SLC4A4: variants seen among roughly 807,000 people sequenced by gnomAD.
The protein encoded by SLC4A4 is electrogenic sodium bicarbonate cotransporter 1.
A neutral mutation model predicts 111.5 loss-of-function variants in SLC4A4; 27 were observed. That is an observed-to-expected ratio of 0.24 (90% CI 0.18 to 0.33). The LOEUF is 0.33. Ranked by LOEUF, SLC4A4 falls within the 10% of genes least tolerant of loss-of-function variation. The pLI, the probability that SLC4A4 is intolerant of heterozygous loss-of-function variation, is 1.00. For synonymous variants in SLC4A4, 443 were observed against 463.4 expected (o/e 0.96, Z 0.57); for missense variants, 909 against 1,315.5 (o/e 0.69, Z 4.78).
intron 2 of SLC4A4, among the ~76,000 whole-genome samples, chr4:71,181,604 A>T (rs1230018024): frequency 6.6e-6 from 1 of 152,174 alleles, no homozygotes; most frequent in Non-Finnish European, 1.5e-5. Context: ...TATCCTGGGT[A>T]AGTAAGCTTC....
intron 18 of SLC4A4, among the ~76,000 whole-genome samples, chr4:71,536,497 T>C (rs1399895685): frequency 9.3e-5 from 12 of 128,928 alleles, no homozygotes; most frequent in Non-Finnish European, 1.8e-4. Flanking sequence ...TGTATATATT[T>C]ATTTATTTAT....
At chr4:71,093,976 AACC>A (rs1430175333) in intron 2 of SLC4A4, among the ~76,000 whole-genome samples, 1 of 152,184 alleles carries the variant, frequency 6.6e-6, no homozygotes, top group African/African-American at 2.4e-5. Flanking sequence ...GAGATTATTT[AACC>A]AGCAGTTGGT....
intron 3 of SLC4A4, among the ~76,000 whole-genome samples, chr4:71,258,890 G>C: frequency 6.6e-6 from 1 of 152,254 alleles, no homozygotes; most frequent in East Asian, 1.9e-4. Flanking sequence ...AAACTGAACC[G>C]CAAGGCACAT....
chr4:71,253,045 C>T (rs1404683648), intron 2 of SLC4A4, among the ~76,000 whole-genome samples: 1 of 152,140 alleles, frequency 6.6e-6, no homozygotes. Flanking sequence ...TGGAAGTGCA[C>T]AGGGAAAACC....
chr4:71,266,086 G>T (rs1175417752), intron 3 of SLC4A4, among the ~76,000 whole-genome samples: 1 of 152,156 alleles, frequency 6.6e-6, no homozygotes, highest in Non-Finnish European at 1.5e-5. Flanking sequence ...CTTTAACAAA[G>T]ATGCTACCCT....
At position 71,451,250 on chromosome 4, in the gene SLC4A4, G is replaced by C; in HGVS notation, c.1271G>C (p.Gly424Ala). 1 of 1,613,650 alleles carries C rather than the reference G, an allele frequency of 6.2e-7. No homozygotes were observed. Residue 424 changes from glycine to alanine, a missense_variant, in exon 11 of 26, where the codon GGT becomes GCT. Gly to Ala is a moderately conservative substitution (Grantham distance 60). Around this residue, in one of 7 missense-constraint regions of SLC4A4, gnomAD observed 312 missense variants for 402.0 expected, o/e 0.78. Coordinates refer to ENST00000264485, the MANE Select transcript of SLC4A4 (RefSeq NM_001098484.3). ...QMNGDTPHDGGHGGGGHGDCE... is the reference protein window; with the variant it reads ...QMNGDTPHDGAHGGGGHGDCE... ...AATGGGGATACGCCCCATGATGGAG[G>C]TCACGGAGGAGGAGGACATGGGGAT... is the stretch of plus-strand genomic sequence containing the variant.
chr4:71,083,710 C>G (rs1742060870), intron 1 of SLC4A4, among the ~76,000 whole-genome samples: 1 of 151,862 alleles, frequency 6.6e-6, no homozygotes, highest in African/African-American at 2.4e-5. Flanking sequence ...TGGGGTAAGA[C>G]AATCCATGCT....
chr4:71,423,112 C>T (rs1203763881), intron 7 of SLC4A4, among the ~76,000 whole-genome samples: 2 of 152,172 alleles, frequency 1.3e-5, no homozygotes, highest in Middle Eastern at 3.2e-3. Context: ...CCAAAATCTC[C>T]TTAAGCTGAT....
chr4:71,110,510 C>T (rs2148951423), intron 2 of SLC4A4, among the ~76,000 whole-genome samples: 1 of 152,288 alleles, frequency 6.6e-6, no homozygotes, highest in African/African-American at 2.4e-5. Context: ...CTGGGCAAAT[C>T]TCATGGTAAC....
chr4:71,118,727 G>A (rs1743338797), intron 2 of SLC4A4, among the ~76,000 whole-genome samples: 1 of 152,038 alleles, frequency 6.6e-6, no homozygotes, highest in Non-Finnish European at 1.5e-5. Context: ...AATAAATTCT[G>A]ATTTCTTCTT....
At chr4:71,487,835 G>C (rs956316731) in intron 15 of SLC4A4, among the ~76,000 whole-genome samples, 5 of 151,518 alleles carry the variant, frequency 3.3e-5, no homozygotes, top group Non-Finnish European at 5.9e-5. Context: ...CAACTCTCAC[G>C]TGACCCTCTT....
chr4:71,483,239 G>A lies in SLC4A4; in HGVS notation c.1904-3709G>A, dbSNP rs181600927. Among the ~76,000 whole-genome samples, 55 of 151,648 alleles carry A rather than the reference G, an allele frequency of 3.6e-4. 1 individual carries two copies. The Admixed American group carries it at 3.6e-3, about 10-fold the overall frequency. ...TGTTACATAGCTATATGTGTGCCATGGGGGGTTGTTTTAAAGATTATTTCA... is the reference window on the plus strand; with the variant it reads ...TGTTACATAGCTATATGTGTGCCATAGGGGGTTGTTTTAAAGATTATTTCA... On this transcript the variant is annotated intron_variant, in intron 14 of 25. Coordinates refer to ENST00000264485, the MANE Select transcript of SLC4A4 (RefSeq NM_001098484.3).
At chr4:71,391,142 A>G (rs1398815289) in intron 6 of SLC4A4, among the ~76,000 whole-genome samples, 1 of 152,136 alleles carries the variant, frequency 6.6e-6, no homozygotes, top group Admixed American at 6.5e-5. Context: ...GTCCCAAGCA[A>G]TGAAAATCAG....
At chr4:71,484,803 T>G (rs930272609) in intron 14 of SLC4A4, among the ~76,000 whole-genome samples, 1 of 151,800 alleles carries the variant, frequency 6.6e-6, no homozygotes, top group Non-Finnish European at 1.5e-5. Context: ...AGAATGTTTT[T>G]CTATTGTTTG....
intron 14 of SLC4A4, among the ~76,000 whole-genome samples, chr4:71,473,714 T>A (rs1040023382): frequency 9.2e-5 from 14 of 151,714 alleles, no homozygotes; most frequent in African/African-American, 3.4e-4. Context: ...AAAATAAAAA[T>A]AAAAAAATGT....
intron 7 of SLC4A4, among the ~76,000 whole-genome samples, chr4:71,420,710 C>A (rs1272153537): frequency 4.7e-5 from 7 of 149,504 alleles, no homozygotes; most frequent in African/African-American, 1.2e-4. Flanking sequence ...AATTTTCAAC[C>A]CAGAATTTCA....
intron 6 of SLC4A4, among the ~76,000 whole-genome samples, chr4:71,375,787 C>G (rs1015923650): frequency 3.9e-5 from 6 of 152,042 alleles, no homozygotes; most frequent in African/African-American, 1.4e-4. Context: ...GGAATAAAGC[C>G]ATGCTCATTA....
At chr4:71,076,794 C>G (rs1264998087) in intron 1 of SLC4A4, among the ~76,000 whole-genome samples, 1 of 151,944 alleles carries the variant, frequency 6.6e-6, no homozygotes, top group African/African-American at 2.4e-5. Context: ...AGTTTGAGAC[C>G]AGCTGGGGCA....
intron 7 of SLC4A4, among the ~76,000 whole-genome samples, chr4:71,405,444 A>G (rs1720753907): frequency 6.6e-6 from 1 of 152,154 alleles, no homozygotes; most frequent in Non-Finnish European, 1.5e-5. Flanking sequence ...CTTAAAGGCT[A>G]TATAGTATAT....
Sources: allele counts gnomAD v4.1 joint callset (sites outside exome capture counted in the v4.1 genomes callset), GRCh38; gene constraint gnomAD v4.1.1; regional missense constraint gnomAD v4.1.1; transcripts MANE v1.5; gene names NCBI Gene and HGNC (gene_info 2026-07-23, HGNC 2026-07-21).